Variants in PCDH15 observed in about 807,000 individuals in gnomAD.
The protein encoded by PCDH15 is protocadherin-15.
In PCDH15, 129 loss-of-function variants were observed where a neutral mutation model predicts 178.5. The ratio of observed to expected loss-of-function variants is 0.72; its 90% confidence interval spans 0.63 to 0.84. PCDH15 has a LOEUF of 0.84. Among genes scored for constraint, PCDH15 ranks in the 40% least tolerant of loss-of-function variants. The pLI is 0.00. For synonymous variants in PCDH15, 800 were observed against 732.0 expected (o/e 1.09, Z -1.50); for missense variants, 2,230 against 2,099.9 (o/e 1.06, Z -1.21).
At chr10:55,276,644 A>G (rs1013753458) in intron 1 of PCDH15, among the ~76,000 whole-genome samples, 15 of 151,662 alleles carry the variant, frequency 9.9e-5, no homozygotes, top group African/African-American at 3.1e-4. Context: ...TGAATCTGTG[A>G]TTTTAATTTC....
At chr10:55,128,211 T>A (rs943548148) in intron 2 of PCDH15, among the ~76,000 whole-genome samples, 1 of 152,124 alleles carries the variant, frequency 6.6e-6, no homozygotes, top group Non-Finnish European at 1.5e-5. Flanking sequence ...CCTTATATAC[T>A]CAGACTTCCT....
At chr10:55,554,606 C>T (rs1316564925) in intron 2 of PCDH15, among the ~76,000 whole-genome samples, 1 of 151,820 alleles carries the variant, frequency 6.6e-6, no homozygotes, top group East Asian at 1.9e-4. Context: ...GATGCAAAAC[C>T]CACACATATG....
chr10:55,405,596 A>G (rs144238263), intron 2 of PCDH15, among the ~76,000 whole-genome samples: 70 of 151,928 alleles, frequency 4.6e-4, no homozygotes, highest in African/African-American at 1.5e-3. Flanking sequence ...TTTTAACATA[A>G]TTTGTATTTC....
Position 54,234,129 on chromosome 10 carries a change from CTTCT to C in PCDH15, c.985+2690_985+2693del, listed in dbSNP as rs144998620. On this transcript the variant is annotated intron_variant, in intron 9 of 37. Transcript: ENST00000644397. ...GTGAAGTCAGAGTCATGGATATCCC[CTTCT>C]GTGTGTGTGTGTGTGTGTGTGTGTG... is the stretch of plus-strand genomic sequence containing the variant. 5.9e-3 allele frequency among the ~76,000 whole-genome samples: 652 copies of C among 109,922 alleles called. 5 individuals are homozygous for C. The highest frequency in any genetic ancestry group is 0.021 in the African/African-American group (597 of 28,244). 72.1% of individuals were successfully genotyped at this position (109,922 alleles called of 152,430 possible).
chr10:54,918,732 T>C (rs1368488234), intron 2 of PCDH15, among the ~76,000 whole-genome samples: 1 of 152,154 alleles, frequency 6.6e-6, no homozygotes, highest in Non-Finnish European at 1.5e-5. Flanking sequence ...AAAATACTTG[T>C]ATGTGTAAGT....
At chr10:55,563,367 T>C (rs930072007) in intron 2 of PCDH15, among the ~76,000 whole-genome samples, 1 of 151,676 alleles carries the variant, frequency 6.6e-6, no homozygotes, top group Non-Finnish European at 1.5e-5. Context: ...AATTAGAAAG[T>C]TTCAGTGTAT....
In PCDH15 at chr10:54,527,836, C is replaced by G. The variant is rs1338247790; in HGVS notation, c.133G>C (p.Ala45Pro). ...CCATTCCGACTTTCTTCATCAATAG[C>G]AACTATGGTAGCTGGTGGTCCTCCC... is the stretch of plus-strand genomic sequence containing the variant. ...ARGGPPATIV[A>P]IDEESRNGTI... Residue 45 changes from alanine to proline, a missense_variant, in exon 3 of 38, where the codon GCT becomes CCT. Coordinates refer to ENST00000644397, the MANE Select transcript of PCDH15 (RefSeq NM_001384140.1). 1.9e-6 allele frequency: 3 copies of G among 1,611,344 alleles called. No individual in the cohort carries two copies. Among genetic ancestry groups the G allele is most frequent in the African/African-American group, 1.3e-5 (1 of 74,930 alleles).
intron 2 of PCDH15, among the ~76,000 whole-genome samples, chr10:54,938,721 T>G (rs942832908): frequency 6.6e-6 from 1 of 152,188 alleles, no homozygotes; most frequent in Non-Finnish European, 1.5e-5. Flanking sequence ...ATAATTAATT[T>G]AAGAGCCTTG....
intron 2 of PCDH15, among the ~76,000 whole-genome samples, chr10:55,422,635 G>T: frequency 6.6e-6 from 1 of 151,738 alleles, no homozygotes; most frequent in East Asian, 1.9e-4. Context: ...GAAAGAAATC[G>T]AAAGATCTTT....
intron 2 of PCDH15, among the ~76,000 whole-genome samples, chr10:55,582,628 A>ATATTT (rs780312007): frequency 1.2e-4 from 8 of 69,032 alleles, no homozygotes; most frequent in African/African-American, 4.6e-4. Flanking sequence ...ATATATATAT[A>ATATTT]TTTTTTTTTT....
At chr10:54,141,305 G>C (rs1307806991) in intron 14 of PCDH15, among the ~76,000 whole-genome samples, 6 of 151,896 alleles carry the variant, frequency 4.0e-5, no homozygotes, top group Non-Finnish European at 7.4e-5. Context: ...AATTTGATTG[G>C]TTTTTCTTAC....
chr10:54,133,736 A>G (rs2042643608), intron 14 of PCDH15, among the ~76,000 whole-genome samples: 4 of 152,174 alleles, frequency 2.6e-5, no homozygotes, highest in African/African-American at 9.6e-5. Flanking sequence ...TTATAAAACA[A>G]AAACTGAAGA....
At chr10:54,731,896 G>A (rs533668665) in intron 1 of PCDH15, among the ~76,000 whole-genome samples, 2 of 150,926 alleles carry the variant, frequency 1.3e-5, no homozygotes, top group African/African-American at 2.4e-5. Context: ...GATCAATAGG[G>A]TGATTATAGT....
intron 13 of PCDH15, among the ~76,000 whole-genome samples, chr10:54,176,520 G>A (rs2047458579): frequency 6.6e-6 from 1 of 152,100 alleles, no homozygotes; most frequent in Admixed American, 6.6e-5. Flanking sequence ...CTAAAAACAA[G>A]TAAAACAAAA....
rs144920646 is a variant in PCDH15, at chr10:54,619,453, T to C, written c.91+44719A>G. Reference sequence around the variant, plus strand: ...CAAAGGCTGAAGGAAGAATTTAATATAATTATTACATCTAGTGATACTGAT... The same window carrying C: ...CAAAGGCTGAAGGAAGAATTTAATACAATTATTACATCTAGTGATACTGAT... On this transcript the variant is annotated intron_variant, in intron 2 of 37. Coordinates refer to ENST00000644397, the MANE Select transcript of PCDH15 (RefSeq NM_001384140.1). 8.5e-5 allele frequency: 13 copies of C among 152,178 alleles called. No individual in the cohort carries two copies. The East Asian group carries it at 2.1e-3, about 25-fold the overall frequency. The allele number at this position is 152,178 out of a possible 1,614,324, so 9.4% of individuals were successfully genotyped here.
chr10:55,446,047 T>C (rs1839308664), intron 2 of PCDH15, among the ~76,000 whole-genome samples: 1 of 152,120 alleles, frequency 6.6e-6, no homozygotes, highest in Admixed American at 6.6e-5. Context: ...AGAATGCTGG[T>C]AGTCAGGCCT....
At chr10:55,298,950 G>A (rs988520698) in intron 1 of PCDH15, among the ~76,000 whole-genome samples, 1 of 152,064 alleles carries the variant, frequency 6.6e-6, no homozygotes, top group African/African-American at 2.4e-5. Flanking sequence ...ATAAGTATTA[G>A]CTTCAATGCC....
Position 55,221,991 on chromosome 10 carries a change from C to T in PCDH15, c.-155-55340G>A, listed in dbSNP as rs572213074. Among the ~76,000 whole-genome samples, 781 of 150,626 alleles carry T rather than the reference C, an allele frequency of 5.2e-3. 3 individuals are homozygous for T. The highest frequency in any genetic ancestry group is 8.5e-3 in the Non-Finnish European group (575 of 67,658). On this transcript the variant is annotated intron_variant, in intron 1 of 5. Coordinates refer to the PCDH15 transcript ENST00000458638. ...ACGCCATTCTCCTGCCTCAGCCTCT[C>T]GAGTAGCTGGGACTACAGGCACCCG...
intron 1 of PCDH15, among the ~76,000 whole-genome samples, chr10:55,279,618 G>C (rs1012826406): frequency 6.6e-6 from 1 of 152,108 alleles, no homozygotes; most frequent in African/African-American, 2.4e-5. Flanking sequence ...CCCCACATTT[G>C]CATTTTGTAT....
Sources: allele counts gnomAD v4.1 joint callset (sites outside exome capture counted in the v4.1 genomes callset), GRCh38; gene constraint gnomAD v4.1.1; transcripts MANE v1.5; gene names NCBI Gene and HGNC (gene_info 2026-07-23, HGNC 2026-07-21).